Variants in OGA observed in about 807,000 individuals in gnomAD.
OGA encodes O-GlcNAcase, also known as protein O-GlcNAcase.
A neutral mutation model predicts 102.0 loss-of-function variants in OGA; 21 were observed. That is an observed-to-expected ratio of 0.21 (90% CI 0.15 to 0.30). The LOEUF (loss-of-function observed/expected upper bound fraction) is 0.30, where lower values mean the gene tolerates loss of function less well. Among genes scored for constraint, OGA ranks in the 10% least tolerant of loss-of-function variants. The pLI, the probability that OGA is intolerant of heterozygous loss-of-function variation, is 1.00. For missense variants in OGA, 765 were observed against 1,107.8 expected, an observed-to-expected ratio of 0.69 and a Z score of 4.39; for synonymous variants, 408 against 378.2, an observed-to-expected ratio of 1.08 and a Z score of -0.91.
At chr10:101,805,685 G>A (rs2065460857) in intron 6 of OGA, among the ~76,000 whole-genome samples, 1 of 151,460 alleles carries the variant, frequency 6.6e-6, no homozygotes, top group Non-Finnish European at 1.5e-5. Flanking sequence ...GCCAGGCGTG[G>A]TGGCTCACGC....
chr10:101,803,160 A>G (rs2065417957), intron 7 of OGA, among the ~76,000 whole-genome samples: 1 of 151,274 alleles, frequency 6.6e-6, no homozygotes, highest in Non-Finnish European at 1.5e-5. Flanking sequence ...AAAAAAGAGT[A>G]TGTTCCATAA....
chr10:101,796,494 T>C (rs988859470), intron 10 of OGA, among the ~76,000 whole-genome samples: 1 of 151,994 alleles, frequency 6.6e-6, no homozygotes, highest in Admixed American at 6.6e-5. Flanking sequence ...ACTCCTGACC[T>C]TGTGGTCTGC....
intron 12 of OGA, among the ~76,000 whole-genome samples, chr10:101,792,438 G>A (rs772228410): frequency 1.3e-5 from 2 of 152,186 alleles, no homozygotes; most frequent in Non-Finnish European, 2.9e-5. Flanking sequence ...ACCGCGCCTG[G>A]CCCTGTTACT....
At chr10:101,811,712 A>G (rs2065561351) in intron 3 of OGA, among the ~76,000 whole-genome samples, 2 of 152,084 alleles carry the variant, frequency 1.3e-5, no homozygotes, top group Non-Finnish European at 2.9e-5. Context: ...GAAAAAGAAA[A>G]AGAACCAGAG....
chr10:101,815,036 G>A (rs1390885361), intron 1 of OGA, among the ~76,000 whole-genome samples: 2 of 152,202 alleles, frequency 1.3e-5, no homozygotes, highest in East Asian at 1.9e-4. Flanking sequence ...GTACCATGAA[G>A]AAGGTTAATA....
chr10:101,791,237 AC>A, intron 13 of OGA, 116 bp downstream of exon 13: 1 of 1,224,806 alleles, frequency 8.2e-7, no homozygotes, highest in Non-Finnish European at 1.1e-6. Context: ...TTCAGATTTT[AC>A]TAAAGCCAAA....
chr10:101,807,816 C>T lies in OGA; in HGVS notation c.566G>A (p.Ser189Asn). Reference sequence around the variant, plus strand: ...GGAGACTTGGGCATGAGCAAAAGAACTGAATACCTCTTTGTCTGCTGCACA... The same window carrying T: ...GGAGACTTGGGCATGAGCAAAAGAATTGAATACCTCTTTGTCTGCTGCACA... ...NMCAADKEVF[S>N]SFAHAQVSIT... The change falls in exon 5 of 16, where the codon AGT (serine) becomes AAT (asparagine). Residue 189 changes from serine to asparagine, a missense_variant. Physicochemically the swap from Ser to Asn is conservative, Grantham distance 46. Transcript: ENST00000361464. The T allele has an allele frequency of 6.2e-7, 1 of 1,611,022 alleles. No individual in the cohort carries two copies. The highest frequency in any genetic ancestry group is 8.5e-7 in the Non-Finnish European group (1 of 1,178,664).
intron 6 of OGA, 37 bp downstream of exon 6, chr10:101,806,008 A>T: frequency 7.2e-7 from 1 of 1,379,782 alleles, no homozygotes; most frequent in Non-Finnish European, 1.0e-6. Context: ...AGTCCTACTT[A>T]ATTCAACTTT....
chr10:101,818,391 G>A lies in OGA; in HGVS notation c.-369C>T. On this transcript the variant is annotated 5_prime_UTR_variant, in exon 1 of 16. Coordinates refer to ENST00000361464, the MANE Select transcript of OGA (RefSeq NM_012215.5). The stretch of plus-strand genomic sequence containing the variant: ...AGGTCTTCCGCTGTTTCCCCTCCAA[G>A]CCCCGAGCTCTCCCTCTGCTGCTGC... 3.9e-6 allele frequency: 4 copies of A among 1,030,910 alleles called. No homozygotes were observed. The highest frequency in any genetic ancestry group is 4.7e-6 in the Non-Finnish European group (4 of 858,540). 63.9% of individuals were successfully genotyped at this position (1,030,910 alleles called of 1,614,324 possible).
At chr10:101,791,321 G>A (rs1589824077) in intron 13 of OGA, 33 bp downstream of exon 13, 5 of 1,538,338 alleles carry the variant, frequency 3.3e-6, no homozygotes, top group East Asian at 2.2e-5. Context: ...ACTATGAAAG[G>A]TCTACTCTCA....
chr10:101,803,973 C>T lies in OGA; in HGVS notation c.798G>A (p.Glu266=). The T allele has an allele frequency of 6.2e-7, 1 of 1,613,840 alleles. No homozygotes were observed. Among genetic ancestry groups the T allele is most frequent in the Non-Finnish European group, 8.5e-7 (1 of 1,179,790 alleles). The part of the protein sequence containing the change: ...SKEIPVESIE[E]VSKIIKRAPV... ...GAGCTCTCTTAATAATCTTAGAAAC[C>T]TCTTCGATGGACTCTACTGGAATTT... Residue 266 remains glutamate, a synonymous_variant, in exon 7 of 16, where the codon GAG becomes GAA. Transcript: ENST00000361464.
intron 12 of OGA, 136 bp downstream of exon 12, chr10:101,792,699 CTGAA>C (rs1313671101): frequency 1.1e-4 from 69 of 607,838 alleles, no homozygotes; most frequent in Non-Finnish European, 1.9e-4. Context: ...TCAAGATACA[CTGAA>C]TGTTTTAATG....
intron 6 of OGA, among the ~76,000 whole-genome samples, chr10:101,804,950 G>A (rs141859056): frequency 2.5e-4 from 38 of 152,002 alleles, no homozygotes; most frequent in East Asian, 1.5e-3. Flanking sequence ...TATTTTTTTC[G>A]TTTTATAAAA....
At chr10:101,808,465 T>C (rs1438083085) in intron 4 of OGA, among the ~76,000 whole-genome samples, 2 of 152,176 alleles carry the variant, frequency 1.3e-5, no homozygotes, top group Non-Finnish European at 2.9e-5. Context: ...CCAGGCTGTG[T>C]CCTAGTCCCA....
Position 101,806,033 on chromosome 10 carries a change from TA to T in OGA, c.751+11del, listed in dbSNP as rs778702709. On this transcript the variant is annotated intron_variant, in intron 6 of 15. Transcript: ENST00000361464. ...AATTCAACTTTGACTGTATAAATCT[TA>T]AAAGACTTACCTGTCCAAAGCACTT... 2 of 1,561,416 alleles carry T rather than the reference TA, an allele frequency of 1.3e-6. No individual in the cohort carries two copies. The highest frequency in any genetic ancestry group is 2.2e-5 in the East Asian group (1 of 44,608).
chr10:101,805,613 C>CCACT (rs1015583736), intron 6 of OGA, among the ~76,000 whole-genome samples: 1 of 148,468 alleles, frequency 6.7e-6, no homozygotes, highest in Non-Finnish European at 1.5e-5. Flanking sequence ...TGAGATTGTG[C>CCACT]CACTGCACTC....
chr10:101,787,992 G>A lies in OGA; in HGVS notation c.2455-469C>T, dbSNP rs547039965. ...AAAAAAAAATACAAAAAATTAGGTC[G>A]TGTTGGCGGGCACCTGTAGTCCCAG... On this transcript the variant is annotated intron_variant, in intron 14 of 15. Coordinates refer to ENST00000361464, the MANE Select transcript of OGA (RefSeq NM_012215.5). 2.6e-5 allele frequency: 4 copies of A among 154,404 alleles called. No individual in the cohort carries two copies. In the South Asian group the frequency reaches 6.0e-4, roughly 23 times the overall value. The allele number at this position is 154,404 out of a possible 1,614,324, so 9.6% of individuals were successfully genotyped here.
intron 3 of OGA, chr10:101,812,770 C>T: frequency 1.8e-6 from 1 of 552,772 alleles, no homozygotes; most frequent in Non-Finnish European, 3.4e-6. Flanking sequence ...AATCCACTGG[C>T]AGAAGTAAGC....
intron 2 of OGA, 34 bp downstream of exon 2, chr10:101,813,521 G>C (rs765666353): frequency 7.5e-7 from 1 of 1,339,624 alleles, no homozygotes; most frequent in Non-Finnish European, 1.0e-6. Context: ...AGAGTTTAAG[G>C]TTCTCCTCTC....
Sources: gnomAD v4.1 joint callset for allele counts (sites outside exome capture counted in the v4.1 genomes callset) on GRCh38, gnomAD v4.1.1 for gene constraint, MANE v1.5 for transcripts, NCBI Gene and HGNC (gene_info 2026-07-23, HGNC 2026-07-21) for gene names.